Variants in CNTN1 observed in about 807,000 individuals in gnomAD.
CNTN1 encodes the protein contactin 1.
CNTN1 carries 38 observed loss-of-function variants against 126.4 expected under a neutral mutation model. The observed-to-expected ratio is 0.30, with a 90% CI of 0.23 to 0.39. The LOEUF is 0.39. Ranked by LOEUF, CNTN1 falls within the 10% of genes least tolerant of loss-of-function variation. CNTN1 has a pLI of 1.00. For synonymous variants in CNTN1, 413 were observed against 422.6 expected, an observed-to-expected ratio of 0.98 and a Z score of 0.28; for missense variants, 1,009 against 1,248.4, an observed-to-expected ratio of 0.81 and a Z score of 2.89.
At chr12:40,969,951 G>C (rs1744779336) in intron 15 of CNTN1, among the ~76,000 whole-genome samples, 3 of 152,124 alleles carry the variant, frequency 2.0e-5, no homozygotes, top group African/African-American at 7.2e-5. Flanking sequence ...CCGTCACTCT[G>C]AAGAACCCAC....
chr12:41,006,650 A>G (rs1285802214), intron 17 of CNTN1, among the ~76,000 whole-genome samples: 5 of 152,258 alleles, frequency 3.3e-5, no homozygotes, highest in Admixed American at 1.3e-4. Context: ...ATTAGGAGCT[A>G]CAATTCAGTA....
chr12:40,970,651 C>T (rs572325922), intron 15 of CNTN1, among the ~76,000 whole-genome samples: 3 of 152,086 alleles, frequency 2.0e-5, no homozygotes, highest in Admixed American at 6.6e-5. Flanking sequence ...TATACACATA[C>T]TGTTGTTAAA....
intron 12 of CNTN1, among the ~76,000 whole-genome samples, chr12:40,940,286 T>A (rs570782206): frequency 6.6e-6 from 1 of 152,088 alleles, no homozygotes; most frequent in Non-Finnish European, 1.5e-5. Flanking sequence ...GAAACTGAAA[T>A]CAGTGTGATT....
At chr12:40,979,046 T>C (rs556329200) in intron 15 of CNTN1, 1 of 152,336 alleles carries the variant, frequency 6.6e-6, no homozygotes, top group Non-Finnish European at 1.5e-5. Flanking sequence ...GAATGTACAC[T>C]GTATTTCAAT....
At chr12:40,976,543 G>GAA (rs200937107) in intron 15 of CNTN1, among the ~76,000 whole-genome samples, 2 of 105,710 alleles carry the variant, frequency 1.9e-5, no homozygotes, top group African/African-American at 3.4e-5. Context: ...ACTAAAAAAA[G>GAA]AAAAAAAAAA....
intron 17 of CNTN1, among the ~76,000 whole-genome samples, chr12:41,006,357 A>G (rs1405758343): frequency 6.6e-6 from 1 of 152,166 alleles, no homozygotes; most frequent in African/African-American, 2.4e-5. Flanking sequence ...GCCTCCCTGC[A>G]GGTGTTCACC....
At chr12:41,039,401 G>T (rs1949343947) in intron 23 of CNTN1, among the ~76,000 whole-genome samples, 1 of 152,090 alleles carries the variant, frequency 6.6e-6, no homozygotes, top group Non-Finnish European at 1.5e-5. Context: ...ATTTTATGAG[G>T]TATGTGAAAT....
intron 23 of CNTN1, among the ~76,000 whole-genome samples, chr12:41,057,607 A>T (rs1230490074): frequency 6.6e-6 from 1 of 152,074 alleles, no homozygotes; most frequent in Non-Finnish European, 1.5e-5. Context: ...AGATGGGCTG[A>T]TTGCTTGATT....
chr12:41,058,797 A>G (rs1949881367), intron 23 of CNTN1, among the ~76,000 whole-genome samples: 1 of 152,170 alleles, frequency 6.6e-6, no homozygotes. Flanking sequence ...GAACAAGCAC[A>G]ATCTCTTAGA....
At chr12:40,982,654 C>T (rs1162875832) in intron 16 of CNTN1, among the ~76,000 whole-genome samples, 1 of 152,040 alleles carries the variant, frequency 6.6e-6, no homozygotes, top group East Asian at 1.9e-4. Flanking sequence ...GTGCCAGAAC[C>T]TATTCTAGAT....
chr12:40,908,262 C>T (rs756796781), intron 1 of CNTN1, 95 bp from the exon 2 acceptor site: 3 of 557,758 alleles, frequency 5.4e-6, no homozygotes, highest in Non-Finnish European at 9.5e-6. Flanking sequence ...TTCCAATTTC[C>T]TTCCCTTTCT....
intron 1 of CNTN1, among the ~76,000 whole-genome samples, chr12:40,877,821 A>G (rs1404971906): frequency 1.3e-5 from 2 of 152,090 alleles, no homozygotes; most frequent in Admixed American, 1.3e-4. Flanking sequence ...TCAGGATTAA[A>G]GCTTGGGAAA....
chr12:40,797,471 G>GTA (rs1940480932), intron 1 of CNTN1, among the ~76,000 whole-genome samples: 1 of 151,972 alleles, frequency 6.6e-6, no homozygotes, highest in African/African-American at 2.4e-5. Context: ...GTGGGAGAGT[G>GTA]CCCAGGGTGA....
At chr12:41,024,909 C>T (rs887409545) in intron 20 of CNTN1, among the ~76,000 whole-genome samples, 1 of 151,602 alleles carries the variant, frequency 6.6e-6, no homozygotes, top group Admixed American at 6.6e-5. Flanking sequence ...TTTTTTTAGT[C>T]AATGTAAAAC....
chr12:40,817,294 A>T (rs1941287871), intron 1 of CNTN1, among the ~76,000 whole-genome samples: 1 of 152,072 alleles, frequency 6.6e-6, no homozygotes, highest in African/African-American at 2.4e-5. Flanking sequence ...GTCTCTTTGT[A>T]GGTCTCTAAG....
chr12:40,905,138 C>A (rs1404696440), intron 1 of CNTN1, among the ~76,000 whole-genome samples: 2 of 152,212 alleles, frequency 1.3e-5, no homozygotes, highest in Non-Finnish European at 2.9e-5. Flanking sequence ...CATTTTGGCA[C>A]ATGTTCCCAT....
intron 1 of CNTN1, among the ~76,000 whole-genome samples, chr12:40,808,849 A>C (rs1199244749): frequency 6.6e-6 from 1 of 152,174 alleles, no homozygotes; most frequent in Non-Finnish European, 1.5e-5. Context: ...ACAAAAACCT[A>C]GGTATTATTC....
chr12:40,808,370 T>C (rs1226631415), intron 1 of CNTN1, among the ~76,000 whole-genome samples: 2 of 152,070 alleles, frequency 1.3e-5, no homozygotes, highest in Admixed American at 6.6e-5. Context: ...TTTGGTCATA[T>C]AAATATTTCC....
At chr12:40,777,193 A>G (rs1195246736) in intron 1 of CNTN1, among the ~76,000 whole-genome samples, 1 of 151,582 alleles carries the variant, frequency 6.6e-6, no homozygotes, top group Non-Finnish European at 1.5e-5. Flanking sequence ...GCATATCCAT[A>G]CATCTAGTCA....
Sources: allele counts gnomAD v4.1 joint callset (sites outside exome capture counted in the v4.1 genomes callset), GRCh38; gene constraint gnomAD v4.1.1; transcripts MANE v1.5; gene names NCBI Gene and HGNC (gene_info 2026-07-23, HGNC 2026-07-21).